Variants in TTC28 observed in about 807,000 individuals in gnomAD.
TTC28 encodes the protein tetratricopeptide repeat domain 28.
TTC28 carries 61 observed loss-of-function variants against 198.0 expected under a neutral mutation model. That is an observed-to-expected ratio of 0.31 (90% CI 0.25 to 0.38). The LOEUF (loss-of-function observed/expected upper bound fraction) is 0.38. Among genes scored for constraint, TTC28 ranks in the 10% least tolerant of loss-of-function variants. The pLI, the probability that TTC28 is intolerant of heterozygous loss-of-function variation, is 1.00. For missense variants in TTC28, 2,678 were observed against 3,164.0 expected, an observed-to-expected ratio of 0.85 and a Z score of 3.69; for synonymous variants, 1,171 against 1,297.8, an observed-to-expected ratio of 0.90 and a Z score of 2.10.
chr22:28,325,733 T>C (rs1382493665), intron 2 of TTC28, among the ~76,000 whole-genome samples: 1 of 152,006 alleles, frequency 6.6e-6, no homozygotes, highest in Non-Finnish European at 1.5e-5. Flanking sequence ...AATAAGCACA[T>C]GAAAAGATGT....
chr22:28,499,092 T>G (rs940688502), intron 2 of TTC28, among the ~76,000 whole-genome samples: 1 of 152,072 alleles, frequency 6.6e-6, no homozygotes, highest in African/African-American at 2.4e-5. Context: ...GTTGGGGGAT[T>G]GTTTGAGCCT....
intron 2 of TTC28, among the ~76,000 whole-genome samples, chr22:28,447,031 T>C (rs1166780304): frequency 6.6e-6 from 1 of 152,166 alleles, no homozygotes; most frequent in East Asian, 1.9e-4. Flanking sequence ...CTAAGTAACC[T>C]GTGCAATGCC....
intron 2 of TTC28, among the ~76,000 whole-genome samples, chr22:28,528,944 G>A (rs2049068780): frequency 6.6e-6 from 1 of 151,974 alleles, no homozygotes; most frequent in Non-Finnish European, 1.5e-5. Context: ...AAAAGAATGG[G>A]GAGGTTCCAA....
intron 5 of TTC28, among the ~76,000 whole-genome samples, chr22:28,234,593 G>A (rs978401410): frequency 5.3e-5 from 8 of 151,592 alleles, no homozygotes; most frequent in East Asian, 2.0e-4. Context: ...GGCTGGTCTC[G>A]AACTCCTGAC....
intron 2 of TTC28, among the ~76,000 whole-genome samples, chr22:28,363,842 C>A (rs921499184): frequency 2.0e-5 from 3 of 152,190 alleles, no homozygotes; most frequent in Non-Finnish European, 2.9e-5. Flanking sequence ...TGGCCAATTT[C>A]TTCCATTTGG....
chr22:28,447,740 T>C (rs779884137), intron 2 of TTC28, among the ~76,000 whole-genome samples: 36 of 152,126 alleles, frequency 2.4e-4, no homozygotes, highest in Non-Finnish European at 4.6e-4. Context: ...AGGGAGAAAA[T>C]ATATTTATGT....
chr22:28,536,429 C>T (rs1180801530), intron 2 of TTC28, among the ~76,000 whole-genome samples: 3 of 151,234 alleles, frequency 2.0e-5, no homozygotes, highest in Non-Finnish European at 4.4e-5. Flanking sequence ...TCGAGACCAT[C>T]CTGGCTAACA....
intron 6 of TTC28, among the ~76,000 whole-genome samples, chr22:28,140,034 A>G (rs1943292850): frequency 6.6e-6 from 1 of 152,134 alleles, no homozygotes; most frequent in Admixed American, 6.5e-5. Flanking sequence ...ACACTTGCTT[A>G]TGGGCTCAGG....
chr22:28,272,872 C>T (rs1402813338), intron 5 of TTC28, among the ~76,000 whole-genome samples: 1 of 152,140 alleles, frequency 6.6e-6, no homozygotes, highest in Non-Finnish European at 1.5e-5. Flanking sequence ...TGAGCCACCA[C>T]TACCCTCAAG....
intron 12 of TTC28, among the ~76,000 whole-genome samples, chr22:28,063,370 G>T (rs922155162): frequency 6.6e-6 from 1 of 152,106 alleles, no homozygotes; most frequent in African/African-American, 2.4e-5. Context: ...CGCCAAATGT[G>T]GCCATTGGCC....
In TTC28 at chr22:28,628,898, AC is replaced by A. The variant is rs2051121187; in HGVS notation, c.381+653del. Among the ~76,000 whole-genome samples the A allele has an allele frequency of 2.0e-5, 3 of 152,104 alleles. No homozygotes were observed. In the South Asian group the frequency reaches 6.2e-4, roughly 32 times the overall value. ...ACTCCAGCCTTGGTGACAGAGTAAGACCTTGTCTCAGAAAGAAAAAAGGAAA... is the reference window on the plus strand; with the variant it reads ...ACTCCAGCCTTGGTGACAGAGTAAGACTTGTCTCAGAAAGAAAAAAGGAAA... On this transcript the variant is annotated intron_variant, in intron 2 of 22. Coordinates refer to ENST00000397906, the MANE Select transcript of TTC28 (RefSeq NM_001145418.2).
chr22:28,215,782 C>A (rs964628449), intron 5 of TTC28, among the ~76,000 whole-genome samples: 3 of 152,038 alleles, frequency 2.0e-5, no homozygotes, highest in Non-Finnish European at 4.4e-5. Context: ...CTATAACAAT[C>A]AAATGAAATA....
intron 2 of TTC28, among the ~76,000 whole-genome samples, chr22:28,346,613 C>T (rs73437891): frequency 0.017 from 2,580 of 152,264 alleles, 73 homozygotes; most frequent in African/African-American, 0.059. Flanking sequence ...AGGAGTGGGA[C>T]TTGTGGACAT....
intron 5 of TTC28, among the ~76,000 whole-genome samples, chr22:28,220,596 A>G (rs1198784999): frequency 2.0e-5 from 3 of 152,334 alleles, no homozygotes; most frequent in Admixed American, 6.5e-5. Context: ...GGGTTCCCCA[A>G]TATAGCTACT....
At chr22:28,085,816 C>G (rs201201931) in intron 12 of TTC28, among the ~76,000 whole-genome samples, 10,420 of 151,662 alleles carry the variant, frequency 0.069, 426 homozygotes, top group South Asian at 0.088. Context: ...GATGGAGGAA[C>G]ATCTACCAAG....
At chr22:28,361,706 G>A (rs1189211442) in intron 2 of TTC28, among the ~76,000 whole-genome samples, 3 of 152,338 alleles carry the variant, frequency 2.0e-5, no homozygotes, top group East Asian at 1.9e-4. Flanking sequence ...TGGAAGAGAA[G>A]CCATCTAGGA....
chr22:28,180,357 T>C (rs142664417), intron 5 of TTC28, among the ~76,000 whole-genome samples: 3 of 152,336 alleles, frequency 2.0e-5, no homozygotes, highest in Non-Finnish European at 2.9e-5. Context: ...GTTGAAGACA[T>C]TGGCCATGAT....
chr22:27,993,790 C>A (rs906746590), intron 17 of TTC28, among the ~76,000 whole-genome samples: 14 of 152,170 alleles, frequency 9.2e-5, no homozygotes, highest in Admixed American at 4.6e-4. Flanking sequence ...CCCTTCCACA[C>A]TCTCCGCAGA....
intron 1 of TTC28, among the ~76,000 whole-genome samples, chr22:28,675,735 T>TCACA (rs71316854): frequency 0.083 from 11,183 of 134,972 alleles, 531 homozygotes; most frequent in East Asian, 0.15. Context: ...TGAAACCCTG[T>TCACA]CACACACACA....
Sources: allele counts gnomAD v4.1 joint callset (sites outside exome capture counted in the v4.1 genomes callset), GRCh38; gene constraint gnomAD v4.1.1; transcripts MANE v1.5; gene names NCBI Gene and HGNC (gene_info 2026-07-23, HGNC 2026-07-21).